TLE2: variants seen among roughly 807,000 people sequenced by gnomAD.
TLE2 encodes transducin-like enhancer protein 2.
A neutral mutation model predicts 97.2 loss-of-function variants in TLE2; 74 were observed. That is an observed-to-expected ratio of 0.76 (90% CI 0.63 to 0.92). The LOEUF is 0.92. Among genes scored for constraint, TLE2 ranks in the 40% least tolerant of loss-of-function variants. TLE2 has a pLI of 0.00. For missense variants in TLE2, 1,038 were observed against 1,008.7 expected (o/e 1.03, Z -0.39); for synonymous variants, 499 against 432.1 (o/e 1.15, Z -1.92).
intron 19 of TLE2, among the ~76,000 whole-genome samples, chr19:2,998,376 C>T (rs2089272938): frequency 1.3e-5 from 2 of 151,574 alleles, no homozygotes; most frequent in South Asian, 4.2e-4. Context: ...CTCCCAGGTT[C>T]AGGCAATCCT....
At chr19:3,008,326 C>A (rs1437992419) in intron 14 of TLE2, among the ~76,000 whole-genome samples, 2 of 152,202 alleles carry the variant, frequency 1.3e-5, no homozygotes, top group African/African-American at 2.4e-5. Flanking sequence ...GGAACGTCTC[C>A]TCCCCCAGCT....
chr19:3,025,232 T>G, intron 4 of TLE2, 150 bp from the exon 5 acceptor site: 1 of 1,061,504 alleles, frequency 9.4e-7, no homozygotes, highest in Non-Finnish European at 1.3e-6. Flanking sequence ...TAGCATGGCA[T>G]GGGCCGAGGT....
chr19:3,042,484 C>A (rs1231644788), intron 1 of TLE2, among the ~76,000 whole-genome samples: 3 of 33,128 alleles, frequency 9.1e-5, no homozygotes, highest in African/African-American at 3.7e-4. Flanking sequence ...GGGGCGGGAG[C>A]GGGGACGGGG....
rs750972387 is a variant in TLE2, at chr19:3,014,631, G to A, written c.679-17C>T. ...GTCGCTTTCCTGGGGGAAGATGGGG[G>A]AGAGAGCTCATTGTGGTCATGCCCC... On this transcript the variant is annotated splice_polypyrimidine_tract_variant and intron_variant, in intron 9 of 19. Coordinates refer to ENST00000262953, the MANE Select transcript of TLE2 (RefSeq NM_003260.5). 3.8e-6 allele frequency: 6 copies of A among 1,588,230 alleles called. No homozygotes were observed. In the Admixed American group the frequency reaches 8.8e-5, roughly 23 times the overall value.
chr19:3,022,249 C>T (rs571956959), intron 5 of TLE2, among the ~76,000 whole-genome samples: 3 of 152,040 alleles, frequency 2.0e-5, no homozygotes, highest in Non-Finnish European at 2.9e-5. Context: ...AGGCCAGGTG[C>T]GGTGGCTCAC....
intron 13 of TLE2, 88 bp downstream of exon 13, chr19:3,009,450 CCCTT>C (rs1235432888): frequency 7.0e-7 from 1 of 1,423,316 alleles, no homozygotes; most frequent in Non-Finnish European, 9.2e-7. Context: ...TTTCTGCACT[CCCTT>C]GTCTCTCCTT....
chr19:3,036,416 C>T (rs963363258), intron 1 of TLE2, among the ~76,000 whole-genome samples: 3 of 152,240 alleles, frequency 2.0e-5, no homozygotes. Flanking sequence ...GGTATAATTA[C>T]AGCCCATTGA....
At position 3,009,565 on chromosome 19, in the gene TLE2, C is replaced by A; in HGVS notation, c.1150G>T (p.Val384Leu). The A allele has an allele frequency of 1.2e-5, 19 of 1,613,092 alleles. No homozygotes were observed. The highest frequency in any genetic ancestry group is 1.4e-5 in the Non-Finnish European group (17 of 1,179,578). ...ACCACGGGGGAGCGTCCGTACACCA[C>A]AGAGCTGCTGACCTGGGGGGACAGG... The part of the protein sequence containing the change: ...LHLSPQVSSS[V>L]VYGRSPVMAF... Residue 384 changes from valine (V) to leucine (L), a missense_variant, in exon 13 of 20, where the codon GTG becomes TTG. By Grantham distance (32) the Val-to-Leu change is conservative. Transcript: ENST00000262953.
In TLE2 at chr19:3,019,212, T is replaced by C; in HGVS notation, c.550+71A>G. ...TTCATCCCCTCACGCTGATGTTTGCTACCCTGGACTGCCAGTCGTCCTCCC... is the reference window on the plus strand; with the variant it reads ...TTCATCCCCTCACGCTGATGTTTGCCACCCTGGACTGCCAGTCGTCCTCCC... On this transcript the variant is annotated intron_variant, in intron 7 of 19. Coordinates refer to ENST00000262953, the MANE Select transcript of TLE2 (RefSeq NM_003260.5). The surrounding 1 kb of genome is among the most constrained non-coding windows in gnomAD (Gnocchi z 5.1). 1.3e-6 allele frequency: 2 copies of C among 1,524,188 alleles called. No individual in the cohort carries two copies. Among genetic ancestry groups the C allele is most frequent in the Non-Finnish European group, 1.8e-6 (2 of 1,139,720 alleles). The allele number at this position is 1,524,188 out of a possible 1,614,324, so 94.4% of individuals were successfully genotyped here.
chr19:3,018,068 G>A (rs1267298293), intron 7 of TLE2, among the ~76,000 whole-genome samples: 1 of 151,510 alleles, frequency 6.6e-6, no homozygotes, highest in African/African-American at 2.4e-5. Flanking sequence ...ATAGTGACTT[G>A]CCTCAAGACA....
Position 3,019,498 on chromosome 19 carries a change from G to A in TLE2, c.370-35C>T, listed in dbSNP as rs1358750432. 3 of 1,487,562 alleles carry A rather than the reference G, an allele frequency of 2.0e-6. No homozygotes were observed. Among genetic ancestry groups the A allele is most frequent in the Non-Finnish European group, 2.7e-6 (3 of 1,122,276 alleles). The allele number at this position is 1,487,562 out of a possible 1,614,324, so 92.1% of individuals were successfully genotyped here. A position where few individuals can be genotyped will look rare whatever the true frequency, so the allele number is the denominator to read the frequency against. On this transcript the variant is annotated intron_variant, in intron 6 of 19. Transcript: ENST00000262953. This position sits in a 1 kb window ranked among gnomAD's most constrained non-coding sequence, Gnocchi z 5.1. ...AGGAGGCAGGATGGGCCGGGGCGGG[G>A]GGCGGCAGGAGCCCAGCGGTCCCCA...
intron 5 of TLE2, among the ~76,000 whole-genome samples, chr19:3,020,760 C>T (rs1416266104): frequency 6.6e-6 from 1 of 152,078 alleles, no homozygotes; most frequent in Non-Finnish European, 1.5e-5. Flanking sequence ...GCATATTCAG[C>T]TTTCAGAGCT....
chr19:3,043,641 T>C (rs12975163), intron 1 of TLE2, among the ~76,000 whole-genome samples: 1 of 81,616 alleles, frequency 1.2e-5, no homozygotes, highest in Non-Finnish European at 2.6e-5. Context: ...CTACTAAAAA[T>C]ACAAAAAAAA....
At chr19:3,018,006 T>A in intron 7 of TLE2, 147 bp from the exon 8 acceptor site, 1 of 643,192 alleles carries the variant, frequency 1.6e-6, no homozygotes, top group Non-Finnish European at 2.6e-6. Flanking sequence ...CCAACACCCT[T>A]GCAAGTGGTG....
At position 3,002,617 on chromosome 19, in the gene TLE2, C is replaced by T. The variant is rs2089388181; in HGVS notation, c.1897-114G>A. On this transcript the variant is annotated intron_variant, in intron 17 of 19. Transcript: ENST00000262953. ...GCAGTGGCACAATCATGGCTCACTGCAGCCTTGACCTCCAGGGCTCAAGAG... is the reference window on the plus strand; with the variant it reads ...GCAGTGGCACAATCATGGCTCACTGTAGCCTTGACCTCCAGGGCTCAAGAG... 5 of 1,278,342 alleles carry T rather than the reference C, an allele frequency of 3.9e-6. No homozygotes were observed. In the South Asian group the frequency reaches 6.9e-5, roughly 18 times the overall value. 79.2% of individuals were successfully genotyped at this position (1,278,342 alleles called of 1,614,324 possible).
upstream of TLE2, among the ~76,000 whole-genome samples, chr19:3,033,641 A>G (rs1035553538): frequency 1.3e-5 from 2 of 152,042 alleles, no homozygotes; most frequent in Admixed American, 6.6e-5. Flanking sequence ...TGGAAACCCA[A>G]TGGCTCCTTC....
At chr19:3,003,906 C>T (rs1159241212) in intron 17 of TLE2, among the ~76,000 whole-genome samples, 1 of 152,126 alleles carries the variant, frequency 6.6e-6, no homozygotes, top group Non-Finnish European at 1.5e-5. Context: ...GGAGTTTCTC[C>T]ATGTTGGTCA....
chr19:3,040,991 T>TTTTATATA (rs2090095874), intron 1 of TLE2, among the ~76,000 whole-genome samples: 1 of 29,732 alleles, frequency 3.4e-5, no homozygotes, highest in Non-Finnish European at 5.7e-5. Context: ...CTGCTGCCAT[T>TTTTATATA]TATATATATA....
In TLE2 at chr19:3,015,056, G is replaced by GC. The variant is rs1445948160; in HGVS notation, c.679-443dup. On this transcript the variant is annotated intron_variant, in intron 9 of 19. Transcript: ENST00000262953. ...AATAAATAAATAAATAAAATTCATT[G>GC]CCAAAAAAAAAAAAAAAAAGCTATT... 6.5e-3 allele frequency among the ~76,000 whole-genome samples: 229 copies of GC among 35,042 alleles called. 1 individual carries two copies. The highest frequency in any genetic ancestry group is 0.02 in the Middle Eastern group (1 of 50). The allele number at this position is 35,042 out of a possible 152,430, so 23.0% of individuals were successfully genotyped here.
Sources: allele counts gnomAD v4.1 joint callset (sites outside exome capture counted in the v4.1 genomes callset), GRCh38; gene constraint gnomAD v4.1.1; non-coding constraint Gnocchi (gnomAD v3.1); transcripts MANE v1.5; gene names NCBI Gene and HGNC (gene_info 2026-07-23, HGNC 2026-07-21).